Variants in ADRA1A observed in about 807,000 individuals in gnomAD.
ADRA1A encodes the protein alpha-1A adrenergic receptor.
A neutral mutation model predicts 29.6 loss-of-function variants in ADRA1A; 31 were observed. The ratio of observed to expected loss-of-function variants is 1.05; its 90% CI spans 0.79 to 1.41. The LOEUF (loss-of-function observed/expected upper bound fraction) is 1.41, where lower values mean the gene tolerates loss of function less well. ADRA1A is among the 40% of genes most tolerant of loss of function. ADRA1A has a pLI of 0.00. For synonymous variants in ADRA1A, 311 were observed against 254.3 expected (o/e 1.22, Z -2.12); for missense variants, 619 against 601.1 (o/e 1.03, Z -0.31).
chr8:26,777,083 G>A (rs531932273), intron 2 of ADRA1A, among the ~76,000 whole-genome samples: 2 of 152,308 alleles, frequency 1.3e-5, no homozygotes, highest in East Asian at 3.9e-4. Context: ...TAGAGTCAAA[G>A]TTTAAGAGCA....
At position 26,841,970 on chromosome 8, in the gene ADRA1A, T is replaced by C. The variant is rs1811846012; in HGVS notation, c.883+22117A>G. 1.3e-5 allele frequency among the ~76,000 whole-genome samples: 2 copies of C among 152,182 alleles called. No individual in the cohort carries two copies. ...TCTGCTTGTTTTTTCTTCTGCCTAC[T>C]GATGCCAACATATTCTAACATTCAG... On this transcript the variant is annotated intron_variant, in intron 2 of 2. Transcript: ENST00000380573. The surrounding 1 kb of genome is among the most constrained non-coding windows in gnomAD (Gnocchi z 4.4).
At chr8:26,854,886 C>T (rs1812907568) in intron 2 of ADRA1A, among the ~76,000 whole-genome samples, 1 of 152,084 alleles carries the variant, frequency 6.6e-6, no homozygotes, top group South Asian at 2.1e-4. Context: ...GGAGATGGGG[C>T]CTTTGGGAGG....
chr8:26,782,080 G>C (rs948545076), intron 2 of ADRA1A, among the ~76,000 whole-genome samples: 5 of 152,218 alleles, frequency 3.3e-5, no homozygotes, highest in African/African-American at 1.2e-4. Flanking sequence ...TCTTCCAACA[G>C]CATCTTCTAG....
chr8:26,790,663 A>C (rs774991905), intron 2 of ADRA1A, among the ~76,000 whole-genome samples: 1 of 152,116 alleles, frequency 6.6e-6, no homozygotes, highest in African/African-American at 2.4e-5. Flanking sequence ...TATGTTAATC[A>C]CTCTAATTTG....
intron 2 of ADRA1A, among the ~76,000 whole-genome samples, chr8:26,803,563 A>G (rs1355867127): frequency 1.3e-5 from 2 of 152,208 alleles, no homozygotes; most frequent in Non-Finnish European, 2.9e-5. Context: ...TGATAAATGT[A>G]AAAGTAGATA....
At chr8:26,758,246 T>C (rs1272542918) in intron 2 of ADRA1A, among the ~76,000 whole-genome samples, 2 of 152,112 alleles carry the variant, frequency 1.3e-5, no homozygotes, top group African/African-American at 2.4e-5. Context: ...GCTTTCTAAT[T>C]ACAGAGAAAT....
In ADRA1A at chr8:26,775,689, G is replaced by T. The variant is rs901991766; in HGVS notation, c.884-5023C>A. Among the ~76,000 whole-genome samples the T allele has an allele frequency of 2.0e-5, 3 of 152,182 alleles. No individual in the cohort carries two copies. Among genetic ancestry groups the T allele is most frequent in the Non-Finnish European group, 4.4e-5 (3 of 68,042 alleles). ...CTTTGGAAAATCCCCACAGCCTAAGGATTCTTCCTGTCACTGAGTTTCTTT... is the reference window on the plus strand; with the variant it reads ...CTTTGGAAAATCCCCACAGCCTAAGTATTCTTCCTGTCACTGAGTTTCTTT... On this transcript the variant is annotated intron_variant, in intron 2 of 2. Transcript: ENST00000380573. This position sits in a 1 kb window ranked among gnomAD's most constrained non-coding sequence, Gnocchi z 4.1.
chr8:26,770,544 C>A lies in ADRA1A; in HGVS notation c.1006G>T (p.Ala336Ser). 1.2e-6 allele frequency: 2 copies of A among 1,614,130 alleles called. No homozygotes were observed. Among genetic ancestry groups the A allele is most frequent in the Non-Finnish European group, 1.7e-6 (2 of 1,180,016 alleles). The change falls in exon 3 of 3, where the codon GCC becomes TCC. Residue 336 changes from alanine (A) to serine (S), a missense_variant. Coordinates refer to ENST00000380573, the MANE Select transcript of ADRA1A (RefSeq NM_000680.4). Reference sequence around the variant, plus strand: ...TGGATTCTCAAGACATTCTGAAAGGCCTTTTTGAACTCTTGGCTGGAGCAT... The same window carrying A: ...TGGATTCTCAAGACATTCTGAAAGGACTTTTTGAACTCTTGGCTGGAGCAT... ...YPCSSQEFKK[A>S]FQNVLRIQCL...
In ADRA1A at chr8:26,867,246, C is replaced by G; in HGVS notation, c.-997G>C. 5.1e-6 allele frequency: 5 copies of G among 985,452 alleles called. No individual in the cohort carries two copies. The highest frequency in any genetic ancestry group is 4.8e-6 in the Non-Finnish European group (4 of 829,960). The allele number at this position is 985,452 out of a possible 1,614,324, so 61.0% of individuals were successfully genotyped here. ...GCTCCCCGACACCAGAAAAGAATAGCAAGGAACTTTGCAGCTCTCGCTGAC... is the reference window on the plus strand; with the variant it reads ...GCTCCCCGACACCAGAAAAGAATAGGAAGGAACTTTGCAGCTCTCGCTGAC... On this transcript the variant is annotated 5_prime_UTR_variant, in exon 1 of 3. Transcript: ENST00000380573.
intron 2 of ADRA1A, among the ~76,000 whole-genome samples, chr8:26,749,695 G>T (rs1363014466): frequency 6.6e-6 from 1 of 152,164 alleles, no homozygotes. Context: ...CCACAGAGAG[G>T]AAGAAATTTC....
At chr8:26,760,331 T>C (rs1357779791) in intron 2 of ADRA1A, among the ~76,000 whole-genome samples, 1 of 152,170 alleles carries the variant, frequency 6.6e-6, no homozygotes, top group East Asian at 1.9e-4. Context: ...GACCGTCTCA[T>C]TGTGCTCATG....
At position 26,867,169 on chromosome 8, in the gene ADRA1A, G is replaced by GA. The variant is rs571845060; in HGVS notation, c.-921dup. ...TTTAAAAAGAGTCAAAATAAGAAAA[G>GA]AAAAAAAAATGCAGATAACCGGTAA... On this transcript the variant is annotated 5_prime_UTR_variant, in exon 1 of 3. Transcript: ENST00000380573. 2.4e-4 allele frequency: 235 copies of GA among 982,792 alleles called. No individual in the cohort carries two copies. Among genetic ancestry groups the GA allele is most frequent in the South Asian group, 1.6e-3 (33 of 21,210 alleles). 60.9% of individuals were successfully genotyped at this position (982,792 alleles called of 1,614,324 possible).
At position 26,785,547 on chromosome 8, in the gene ADRA1A, A is replaced by ATT. The variant is rs11416292; in HGVS notation, c.884-14883_884-14882dup. 3.1e-3 allele frequency among the ~76,000 whole-genome samples: 466 copies of ATT among 151,406 alleles called. 3 individuals are homozygous for ATT. Among genetic ancestry groups the ATT allele is most frequent in the African/African-American group, 0.011 (442 of 41,234 alleles). On this transcript the variant is annotated intron_variant, in intron 2 of 2. Coordinates refer to ENST00000380573, the MANE Select transcript of ADRA1A (RefSeq NM_000680.4). ...AATCTTTCTTTTAATTGACACATTG[A>ATT]TTTTTTTTTCAATTGCAAGAGTAGA...
chr8:26,755,105 A>T (rs1341344807), downstream of ADRA1A, among the ~76,000 whole-genome samples: 1 of 152,220 alleles, frequency 6.6e-6, no homozygotes, highest in Non-Finnish European at 1.5e-5. Context: ...GCTTGTTAAG[A>T]AGTCCAAAGC....
rs752308205 is a variant in ADRA1A at position 26,864,865 on chromosome 8, GC to G, written c.104del (p.Gly35AlafsTer12). On this transcript the variant is annotated frameshift_variant, in exon 2 of 3. Coordinates refer to ENST00000380573, the MANE Select transcript of ADRA1A (RefSeq NM_000680.4). LOFTEE classifies it high-confidence loss of function. This position sits in a 1 kb window ranked among gnomAD's most constrained non-coding sequence, Gnocchi z 8.1. ...TACCCAGCACCCCGAAAAGAATGAG[GC>G]CCCCCAAGATCACCCCGAGCAGAAT... The part of the protein sequence containing the change: ...KAILLGVILG[G>X]LILFGVLGNI... 2.5e-6 allele frequency: 4 copies of G among 1,614,068 alleles called. No individual in the cohort carries two copies. The South Asian group carries it at 3.3e-5, about 13-fold the overall frequency.
chr8:26,798,935 G>T (rs191756563), intron 2 of ADRA1A, among the ~76,000 whole-genome samples: 183 of 152,146 alleles, frequency 1.2e-3, no homozygotes, highest in Admixed American at 1.4e-3. Context: ...TCTGCCCAGG[G>T]ATATCTTGCA....
chr8:26,778,437 C>G (rs918784068), intron 2 of ADRA1A, among the ~76,000 whole-genome samples: 1 of 152,160 alleles, frequency 6.6e-6, no homozygotes, highest in African/African-American at 2.4e-5. Flanking sequence ...AAAAGCAGAT[C>G]TCCTTTCATA....
chr8:26,859,692 G>T (rs1407192328), intron 2 of ADRA1A, among the ~76,000 whole-genome samples: 1 of 151,988 alleles, frequency 6.6e-6, no homozygotes, highest in Non-Finnish European at 1.5e-5. Context: ...GCAGGTTCAG[G>T]GATCCTTTGC....
At position 26,816,778 on chromosome 8, in the gene ADRA1A, C is replaced by T. The variant is rs144598434; in HGVS notation, c.884-46112G>A. Among the ~76,000 whole-genome samples, 424 of 152,232 alleles carry T rather than the reference C, an allele frequency of 2.8e-3. 8 individuals carry two copies. The highest frequency in any genetic ancestry group is 0.024 in the Admixed American group (362 of 15,300). On this transcript the variant is annotated intron_variant, in intron 2 of 2. Coordinates refer to ENST00000380573, the MANE Select transcript of ADRA1A (RefSeq NM_000680.4). Reference sequence around the variant, plus strand: ...TGTAGCACAATGGGAAGACCTAAAGCGGAATATGGAGAAGACCCTATGAAA... The same window carrying T: ...TGTAGCACAATGGGAAGACCTAAAGTGGAATATGGAGAAGACCCTATGAAA...
Sources: allele counts gnomAD v4.1 joint callset (sites outside exome capture counted in the v4.1 genomes callset), GRCh38; gene constraint gnomAD v4.1.1; non-coding constraint Gnocchi (gnomAD v3.1); transcripts MANE v1.5; gene names NCBI Gene and HGNC (gene_info 2026-07-23, HGNC 2026-07-21).